CDH13: variants seen among roughly 807,000 people sequenced by gnomAD.
The protein encoded by CDH13 is cadherin 13, also known as cadherin-13.
A neutral mutation model predicts 63.8 loss-of-function variants in CDH13; 24 were observed. The ratio of observed to expected loss-of-function variants is 0.38; its 90% CI spans 0.27 to 0.53. The LOEUF (loss-of-function observed/expected upper bound fraction) is 0.53, where lower values mean the gene tolerates loss of function less well. CDH13 is among the 20% of genes least tolerant of loss of function. The pLI is 0.85. For synonymous variants in CDH13, 503 were observed against 355.3 expected (o/e 1.42, Z -4.67); for missense variants, 1,049 against 903.1 (o/e 1.16, Z -2.07).
At chr16:82,640,663 G>C (rs1909285950) in intron 1 of CDH13, among the ~76,000 whole-genome samples, 1 of 152,192 alleles carries the variant, frequency 6.6e-6, no homozygotes, top group Non-Finnish European at 1.5e-5. Context: ...GTTTAAGACA[G>C]GGATAGGGCA....
intron 3 of CDH13, among the ~76,000 whole-genome samples, chr16:83,068,961 G>A (rs185673809): frequency 3.1e-4 from 47 of 152,252 alleles, no homozygotes; most frequent in African/African-American, 9.1e-4. Context: ...AGGTTTAGAA[G>A]GTTTGCTGTT....
chr16:83,332,642 A>G (rs1597771236), intron 5 of CDH13, among the ~76,000 whole-genome samples: 1 of 152,304 alleles, frequency 6.6e-6, no homozygotes, highest in African/African-American at 2.4e-5. Flanking sequence ...CATATCCTTA[A>G]TAGATCTGGC....
chr16:83,117,266 T>G (rs562012044), intron 3 of CDH13, among the ~76,000 whole-genome samples: 1 of 152,240 alleles, frequency 6.6e-6, no homozygotes, highest in South Asian at 2.1e-4. Context: ...CCAGACTGTC[T>G]CCTTCACCTC....
chr16:83,256,563 G>A (rs1046087494), intron 5 of CDH13, among the ~76,000 whole-genome samples: 1 of 151,670 alleles, frequency 6.6e-6, no homozygotes, highest in Non-Finnish European at 1.5e-5. Context: ...CAGGCACGGT[G>A]GCTCACGCCT....
intron 1 of CDH13, among the ~76,000 whole-genome samples, chr16:82,637,428 C>CTT (rs573088098): frequency 0.012 from 990 of 81,570 alleles, 128 homozygotes; most frequent in African/African-American, 0.047. Context: ...GTTACTGTGC[C>CTT]TTTTTTTTTT....
intron 4 of CDH13, among the ~76,000 whole-genome samples, chr16:83,125,921 A>G (rs1465073359): frequency 6.6e-6 from 1 of 152,208 alleles, no homozygotes; most frequent in Non-Finnish European, 1.5e-5. Context: ...TCCAAAAACT[A>G]AACCAGATCA....
At chr16:83,753,864 T>C (rs1206664721) in intron 11 of CDH13, among the ~76,000 whole-genome samples, 1 of 151,680 alleles carries the variant, frequency 6.6e-6, no homozygotes, top group African/African-American at 2.4e-5. Context: ...AAAATCTTAA[T>C]TGTAAAGGAA....
At chr16:82,833,805 G>T (rs2038648724) in intron 1 of CDH13, among the ~76,000 whole-genome samples, 1 of 152,206 alleles carries the variant, frequency 6.6e-6, no homozygotes, top group Non-Finnish European at 1.5e-5. Context: ...CTACTGGGGA[G>T]GGAAAACGGT....
intron 4 of CDH13, among the ~76,000 whole-genome samples, chr16:83,214,660 A>G (rs1025466737): frequency 6.6e-6 from 1 of 151,004 alleles, no homozygotes; most frequent in Non-Finnish European, 1.5e-5. Flanking sequence ...CCCATTAACA[A>G]CAGTGTAATT....
At chr16:83,486,700 T>C in intron 7 of CDH13, 45 bp downstream of exon 7, 1 of 1,576,746 alleles carries the variant, frequency 6.3e-7, no homozygotes, top group Admixed American at 1.7e-5. Flanking sequence ...GAATAGAATG[T>C]GGCTTTCATG....
intron 1 of CDH13, among the ~76,000 whole-genome samples, chr16:82,789,843 C>G (rs1438561374): frequency 6.6e-6 from 1 of 152,262 alleles, no homozygotes; most frequent in East Asian, 1.9e-4. Flanking sequence ...GACTGACCAG[C>G]CTGTCCACAG....
chr16:82,791,952 C>T (rs1174297282), intron 1 of CDH13, among the ~76,000 whole-genome samples: 2 of 152,134 alleles, frequency 1.3e-5, no homozygotes, highest in South Asian at 4.1e-4. Flanking sequence ...ATCTTGGGAG[C>T]TCTAAGAACA....
intron 6 of CDH13, among the ~76,000 whole-genome samples, chr16:83,352,522 G>A (rs945490310): frequency 6.6e-6 from 1 of 152,144 alleles, no homozygotes; most frequent in African/African-American, 2.4e-5. Context: ...TGCACTCATG[G>A]TTATCACTAC....
intron 1 of CDH13, among the ~76,000 whole-genome samples, chr16:82,775,607 G>T (rs769311449): frequency 2.0e-5 from 3 of 152,168 alleles, no homozygotes; most frequent in African/African-American, 4.8e-5. Context: ...AGGAAACTAA[G>T]CCTCAGAGAG....
chr16:82,866,069 G>T (rs1404461203), intron 2 of CDH13, among the ~76,000 whole-genome samples: 1 of 152,170 alleles, frequency 6.6e-6, no homozygotes, highest in African/African-American at 2.4e-5. Context: ...CTTTGCTAAA[G>T]TACAGCAGGA....
chr16:83,302,313 G>A (rs2151877371), intron 5 of CDH13, among the ~76,000 whole-genome samples: 1 of 152,244 alleles, frequency 6.6e-6, no homozygotes, highest in South Asian at 2.1e-4. Context: ...TCTGTAAAAG[G>A]GAATGTAATA....
chr16:83,103,365 C>T (rs1446149125), intron 3 of CDH13, among the ~76,000 whole-genome samples: 1 of 149,536 alleles, frequency 6.7e-6, no homozygotes, highest in Admixed American at 6.8e-5. Flanking sequence ...CCTGCCTCAG[C>T]CTACTGAGTA....
chr16:83,551,062 A>G (rs1215464966), intron 7 of CDH13, among the ~76,000 whole-genome samples: 1 of 149,822 alleles, frequency 6.7e-6, no homozygotes, highest in Non-Finnish European at 1.5e-5. Flanking sequence ...ATTTATATCT[A>G]TCTATCTATC....
intron 8 of CDH13, among the ~76,000 whole-genome samples, chr16:83,613,951 G>T (rs1294967622): frequency 1.3e-5 from 2 of 151,858 alleles, no homozygotes; most frequent in Non-Finnish European, 2.9e-5. Flanking sequence ...CTATTTTCAT[G>T]AATATTTTAG....
Sources: gnomAD v4.1 joint callset for allele counts (sites outside exome capture counted in the v4.1 genomes callset) on GRCh38, gnomAD v4.1.1 for gene constraint, MANE v1.5 for transcripts, NCBI Gene and HGNC (gene_info 2026-07-23, HGNC 2026-07-21) for gene names.